Variants in MAGI2 observed in about 807,000 individuals in gnomAD.
MAGI2 encodes the protein membrane associated guanylate kinase, WW and PDZ domain containing 2.
In MAGI2, 35 loss-of-function variants were observed where a neutral mutation model predicts 133.3. The ratio of observed to expected loss-of-function variants is 0.26; its 90% CI spans 0.20 to 0.35. The LOEUF (loss-of-function observed/expected upper bound fraction) is 0.35. Among genes scored for constraint, MAGI2 ranks in the 10% least tolerant of loss-of-function variants. The pLI is 1.00. For synonymous variants in MAGI2, 729 were observed against 710.6 expected, an observed-to-expected ratio of 1.03 and a Z score of -0.41; for missense variants, 1,636 against 1,863.4, an observed-to-expected ratio of 0.88 and a Z score of 2.25.
chr7:78,886,534 GA>G (rs1796285283), intron 2 of MAGI2, among the ~76,000 whole-genome samples: 1 of 152,148 alleles, frequency 6.6e-6, no homozygotes, highest in African/African-American at 2.4e-5. Context: ...TAGGCAAGGG[GA>G]AACTTCTCTG....
At chr7:79,069,951 G>C (rs1224507187) in intron 1 of MAGI2, among the ~76,000 whole-genome samples, 4 of 152,162 alleles carry the variant, frequency 2.6e-5, no homozygotes, top group Non-Finnish European at 5.9e-5. Flanking sequence ...CTTCTGGCTT[G>C]TAGGGTTTCT....
intron 9 of MAGI2, among the ~76,000 whole-genome samples, chr7:78,324,160 CACT>C (rs10536467): frequency 0.11 from 15,781 of 138,806 alleles, 1,100 homozygotes; most frequent in East Asian, 0.26. Context: ...CTACACACTA[CACT>C]ACACTACACA....
intron 1 of MAGI2, among the ~76,000 whole-genome samples, chr7:79,201,692 G>T (rs1022185739): frequency 2.6e-5 from 4 of 151,796 alleles, no homozygotes; most frequent in South Asian, 2.1e-4. Flanking sequence ...GTTGTGCTCA[G>T]AAAAACTCCC....
intron 9 of MAGI2, among the ~76,000 whole-genome samples, chr7:78,312,962 G>A (rs879744807): frequency 1.1e-4 from 16 of 150,420 alleles, no homozygotes; most frequent in Non-Finnish European, 1.3e-4. Context: ...ATAGATATAT[G>A]TATATACACA....
intron 1 of MAGI2, among the ~76,000 whole-genome samples, chr7:79,349,495 T>G (rs892681211): frequency 6.6e-6 from 1 of 151,056 alleles, no homozygotes; most frequent in Non-Finnish European, 1.5e-5. Context: ...TAGCACTTAC[T>G]ATGTGCCAAA....
At chr7:78,567,423 C>T (rs1048165430) in intron 3 of MAGI2, among the ~76,000 whole-genome samples, 1 of 149,872 alleles carries the variant, frequency 6.7e-6, no homozygotes, top group Non-Finnish European at 1.5e-5. Flanking sequence ...CACACACAAC[C>T]GCAATGCATG....
intron 1 of MAGI2, among the ~76,000 whole-genome samples, chr7:79,302,646 T>A (rs1837476588): frequency 6.6e-6 from 1 of 152,174 alleles, no homozygotes; most frequent in Admixed American, 6.5e-5. Context: ...TAGTAAGCAT[T>A]GGGAAGCCAT....
intron 10 of MAGI2, among the ~76,000 whole-genome samples, chr7:78,233,418 C>A (rs754007074): frequency 2.6e-5 from 4 of 152,060 alleles, no homozygotes; most frequent in African/African-American, 4.8e-5. Context: ...ACAGAGAGAG[C>A]ATTTTCAATA....
At chr7:78,558,838 T>A (rs75306430) in intron 3 of MAGI2, among the ~76,000 whole-genome samples, 20 of 12,906 alleles carry the variant, frequency 1.5e-3, no homozygotes, top group African/African-American at 3.0e-3. Flanking sequence ...TGAGACACCG[T>A]TTTTTTTTTT....
intron 2 of MAGI2, among the ~76,000 whole-genome samples, chr7:78,976,944 A>C (rs956464260): frequency 6.6e-6 from 1 of 151,668 alleles, no homozygotes; most frequent in African/African-American, 2.4e-5. Flanking sequence ...AAGGAAATCA[A>C]AGATCTAAGT....
chr7:78,221,198 C>T (rs1210110705), intron 10 of MAGI2, among the ~76,000 whole-genome samples: 2 of 152,208 alleles, frequency 1.3e-5, no homozygotes, highest in Non-Finnish European at 2.9e-5. Context: ...AGGACAGGTT[C>T]AACAGTCTAT....
chr7:78,285,139 T>TCA (rs1187339321), intron 9 of MAGI2, among the ~76,000 whole-genome samples: 2 of 151,996 alleles, frequency 1.3e-5, no homozygotes, highest in South Asian at 2.1e-4. Flanking sequence ...GTACATGGAT[T>TCA]CACACACACA....
At chr7:79,173,657 G>T (rs1825825895) in intron 1 of MAGI2, among the ~76,000 whole-genome samples, 1 of 152,012 alleles carries the variant, frequency 6.6e-6, no homozygotes. Flanking sequence ...AAAATAAAAT[G>T]TGACAAAATG....
chr7:79,367,071 T>C (rs975942846), intron 1 of MAGI2, among the ~76,000 whole-genome samples: 3 of 152,212 alleles, frequency 2.0e-5, no homozygotes, highest in East Asian at 1.9e-4. Context: ...GGGTGAACCC[T>C]TGCAAATTAA....
At chr7:79,167,397 CAAAAAAAAAAA>C (rs10542271) in intron 1 of MAGI2, among the ~76,000 whole-genome samples, 1 of 84,734 alleles carries the variant, frequency 1.2e-5, no homozygotes, top group African/African-American at 4.1e-5. Context: ...CCAAAAATGG[CAAAAAAAAAAA>C]AAAAAAAAAA....
chr7:79,196,297 C>T (rs1167298956), intron 1 of MAGI2, among the ~76,000 whole-genome samples: 3 of 151,676 alleles, frequency 2.0e-5, no homozygotes, highest in Non-Finnish European at 4.4e-5. Flanking sequence ...TACAAATATT[C>T]TTTTTTTTAC....
At chr7:78,875,658 T>C (rs1001747165) in intron 2 of MAGI2, among the ~76,000 whole-genome samples, 1 of 152,140 alleles carries the variant, frequency 6.6e-6, no homozygotes, top group African/African-American at 2.4e-5. Context: ...CACTATATTA[T>C]ATAAAATGAC....
At chr7:79,203,195 C>T (rs968376526) in intron 1 of MAGI2, among the ~76,000 whole-genome samples, 4 of 152,024 alleles carry the variant, frequency 2.6e-5, no homozygotes, top group African/African-American at 9.7e-5. Context: ...CATCATTTCT[C>T]CCTTGGGTTT....
chr7:78,315,319 C>T (rs1787298347), intron 9 of MAGI2, among the ~76,000 whole-genome samples: 1 of 152,166 alleles, frequency 6.6e-6, no homozygotes. Flanking sequence ...AAATGAATCA[C>T]ACTAACTGGC....
Sources: allele counts gnomAD v4.1 joint callset (sites outside exome capture counted in the v4.1 genomes callset), GRCh38; gene constraint gnomAD v4.1.1; transcripts MANE v1.5; gene names NCBI Gene and HGNC (gene_info 2026-07-23, HGNC 2026-07-21).